PCLO: variants seen among roughly 807,000 people sequenced by gnomAD.
The protein encoded by PCLO is piccolo presynaptic cytomatrix protein, also known as protein piccolo.
In PCLO, 82 loss-of-function variants were observed where a neutral mutation model predicts 427.5. The observed-to-expected ratio is 0.19, with a 90% CI of 0.16 to 0.23. The LOEUF (loss-of-function observed/expected upper bound fraction) is 0.23. PCLO is among the 10% of genes least tolerant of loss of function. The pLI, the probability that PCLO is intolerant of heterozygous loss-of-function variation, is 1.00. For synonymous variants in PCLO, 2,357 were observed against 2,155.4 expected, an observed-to-expected ratio of 1.09 and a Z score of -2.59; for missense variants, 6,239 against 6,115.9, an observed-to-expected ratio of 1.02 and a Z score of -0.67.
chr7:83,130,982 T>C (rs1273961651), intron 3 of PCLO, among the ~76,000 whole-genome samples: 1 of 152,216 alleles, frequency 6.6e-6, no homozygotes, highest in African/African-American at 2.4e-5. Flanking sequence ...AAAAGGGTGC[T>C]ATCAACAATA....
At chr7:83,037,463 C>A (rs1788823997) in intron 3 of PCLO, among the ~76,000 whole-genome samples, 1 of 151,980 alleles carries the variant, frequency 6.6e-6, no homozygotes, top group Admixed American at 6.6e-5. Context: ...CTGGAGCTTG[C>A]AAGTTAGAGA....
chr7:82,867,942 T>A (rs1264920088), intron 10 of PCLO, among the ~76,000 whole-genome samples: 1 of 152,162 alleles, frequency 6.6e-6, no homozygotes, highest in Non-Finnish European at 1.5e-5. Flanking sequence ...TTAGAACCTA[T>A]CAGCCCAGGG....
chr7:82,779,041 T>C (rs940491393), intron 22 of PCLO, among the ~76,000 whole-genome samples: 3 of 152,164 alleles, frequency 2.0e-5, no homozygotes, highest in Non-Finnish European at 4.4e-5. Context: ...CTTGTTAACA[T>C]ATCAATCTTC....
intron 2 of PCLO, among the ~76,000 whole-genome samples, chr7:83,150,064 C>T (rs1474974603): frequency 1.3e-5 from 2 of 152,102 alleles, no homozygotes; most frequent in African/African-American, 4.8e-5. Flanking sequence ...TTTCAACATT[C>T]TGAAAAGTGA....
At chr7:82,944,787 A>G (rs1331063321) in intron 6 of PCLO, among the ~76,000 whole-genome samples, 2 of 152,198 alleles carry the variant, frequency 1.3e-5, no homozygotes, top group Non-Finnish European at 2.9e-5. Flanking sequence ...CATCTGAGAA[A>G]AAGAGAATCC....
intron 21 of PCLO, 89 bp downstream of exon 21, chr7:82,805,599 A>AGT: frequency 8.1e-7 from 1 of 1,236,794 alleles, no homozygotes; most frequent in Non-Finnish European, 1.1e-6. Flanking sequence ...AGAATTGGGT[A>AGT]ATTATCCAGT....
At chr7:82,765,295 T>TA (rs1790510317) in intron 22 of PCLO, among the ~76,000 whole-genome samples, 2 of 150,578 alleles carry the variant, frequency 1.3e-5, no homozygotes, top group African/African-American at 2.4e-5. Flanking sequence ...CTGCTATCAA[T>TA]AAAAAAATAA....
intron 9 of PCLO, 146 bp from the exon 10 acceptor site, chr7:82,879,608 T>G (rs1228775740): frequency 3.3e-6 from 2 of 610,588 alleles, no homozygotes; most frequent in Non-Finnish European, 5.8e-6. Flanking sequence ...AACCAAAGTA[T>G]GTTATTCTGA....
chr7:82,865,469 C>T (rs550461613), intron 10 of PCLO, among the ~76,000 whole-genome samples: 18 of 152,172 alleles, frequency 1.2e-4, no homozygotes, highest in African/African-American at 4.1e-4. Flanking sequence ...GCCTGGGCGA[C>T]AGAGCAAGAT....
chr7:83,090,019 T>C lies in PCLO; in HGVS notation c.3300+44231A>G, dbSNP rs550591830. ...TATCTCTTACTAATGAAGCCGTAGG[T>C]ACTGGCCAGGCACAGTGGCTCAAAC... On this transcript the variant is annotated intron_variant, in intron 3 of 24. Coordinates refer to ENST00000333891, the MANE Select transcript of PCLO (RefSeq NM_033026.6). Among the ~76,000 whole-genome samples, 5 of 152,256 alleles carry C rather than the reference T, an allele frequency of 3.3e-5. No homozygotes were observed. The East Asian group carries it at 9.7e-4, about 29-fold the overall frequency.
At chr7:83,001,505 A>AACAC (rs3035080) in intron 3 of PCLO, among the ~76,000 whole-genome samples, 69,770 of 149,002 alleles carry the variant, frequency 0.47, 17,347 homozygotes, top group East Asian at 0.82. Flanking sequence ...CACACATACA[A>AACAC]ACACACACAC....
intron 16 of PCLO, among the ~76,000 whole-genome samples, chr7:82,833,484 T>C (rs1320539521): frequency 6.6e-6 from 1 of 152,018 alleles, no homozygotes; most frequent in Non-Finnish European, 1.5e-5. Context: ...CCCTCAAAGT[T>C]TGAGTATATT....
At chr7:82,995,788 G>GA (rs996453223) in intron 3 of PCLO, among the ~76,000 whole-genome samples, 2 of 151,776 alleles carry the variant, frequency 1.3e-5, no homozygotes, top group Non-Finnish European at 1.5e-5. Context: ...TCAGTTTTGT[G>GA]AAAAAATTGT....
intron 16 of PCLO, among the ~76,000 whole-genome samples, chr7:82,833,115 A>G (rs1792137101): frequency 6.6e-6 from 1 of 152,128 alleles, no homozygotes; most frequent in African/African-American, 2.4e-5. Flanking sequence ...TTTAAAATCT[A>G]CTGAAGTAAA....
intron 3 of PCLO, among the ~76,000 whole-genome samples, chr7:83,045,384 C>T (rs948820906): frequency 6.6e-6 from 1 of 152,078 alleles, no homozygotes; most frequent in Non-Finnish European, 1.5e-5. Context: ...CTTAAAAATC[C>T]TCCATCATAA....
chr7:83,130,715 G>A (rs1165587240), intron 3 of PCLO, among the ~76,000 whole-genome samples: 3 of 152,084 alleles, frequency 2.0e-5, no homozygotes, highest in Non-Finnish European at 4.4e-5. Context: ...CCATTTTTGA[G>A]TATTTAATGG....
At chr7:82,913,189 T>A (rs1216507162) in intron 7 of PCLO, among the ~76,000 whole-genome samples, 1 of 151,980 alleles carries the variant, frequency 6.6e-6, no homozygotes, top group Non-Finnish European at 1.5e-5. Flanking sequence ...TCCAATAGCC[T>A]GTAGAGACGA....
At chr7:82,874,652 AG>A (rs1368643385) in intron 10 of PCLO, among the ~76,000 whole-genome samples, 4 of 152,322 alleles carry the variant, frequency 2.6e-5, no homozygotes, top group East Asian at 1.9e-4. Flanking sequence ...AGTTATTTAT[AG>A]AGGAAGCATT....
At chr7:82,840,872 T>C (rs1016337885) in intron 14 of PCLO, among the ~76,000 whole-genome samples, 4 of 151,912 alleles carry the variant, frequency 2.6e-5, no homozygotes, top group Admixed American at 6.6e-5. Flanking sequence ...GTTTTAAAGT[T>C]TTATTTTTAC....
Sources: allele counts gnomAD v4.1 joint callset (sites outside exome capture counted in the v4.1 genomes callset), GRCh38; gene constraint gnomAD v4.1.1; transcripts MANE v1.5; gene names NCBI Gene and HGNC (gene_info 2026-07-23, HGNC 2026-07-21).